GK: variants seen among roughly 807,000 people sequenced by gnomAD.
GK encodes the protein glycerol kinase.
GK carries 9 observed loss-of-function variants against 56.4 expected under a neutral mutation model. The observed-to-expected ratio is 0.16, with a 90% CI of 0.10 to 0.28. The LOEUF is 0.28. Among genes scored for constraint, GK ranks in the 10% least tolerant of loss-of-function variants. The pLI is 1.00. For missense variants in GK, 161 were observed against 431.4 expected, an observed-to-expected ratio of 0.37 and a Z score of 5.55; for synonymous variants, 104 against 144.1, an observed-to-expected ratio of 0.72 and a Z score of 1.99.
intron 5 of GK, among the ~76,000 whole-genome samples, chrX:30,693,011 C>CTTTTTTTTTTTT (rs1184645786): frequency 1.7e-3 from 94 of 56,614 alleles, no homozygotes; most frequent in African/African-American, 2.1e-3. Context: ...TTTTTCTTTT[C>CTTTTTTTTTTTT]TTTTTTTTTT....
rs778768609 is a variant in GK, at chrX:30,731,229, C to G, written c.*2487C>G. 5.3e-5 allele frequency: 6 copies of G among 112,245 alleles called. No homozygotes were observed. Among genetic ancestry groups the G allele is most frequent in the Non-Finnish European group, 1.1e-4 (6 of 53,238 alleles). 9.3% of individuals were successfully genotyped at this position (112,245 alleles called of 1,213,427 possible). On this transcript the variant is annotated 3_prime_UTR_variant, in exon 21 of 21. Coordinates refer to ENST00000427190, the MANE Select transcript of GK (RefSeq NM_001205019.2). ...GAAAGAAAGTTTTTGGAGAAACCAA[C>G]AAATGAAAGCTGTGATAGCACAGAA...
intron 18 of GK, 70 bp from the exon 19 acceptor site, chrX:30,724,031 T>C (rs375671743): frequency 4.1e-5 from 26 of 638,216 alleles, no homozygotes; most frequent in South Asian, 2.1e-4. Flanking sequence ...TGAGTGATCA[T>C]AAGTATGGTA....
intron 1 of GK, among the ~76,000 whole-genome samples, chrX:30,662,175 T>C (rs1446894570): frequency 1.0e-5 from 1 of 99,048 alleles, no homozygotes; most frequent in Admixed American, 1.1e-4. Context: ...AAAGACTTAG[T>C]AAAAACAAAT....
At chrX:30,691,742 T>A (rs2147194844) in intron 5 of GK, among the ~76,000 whole-genome samples, 1 of 110,192 alleles carries the variant, frequency 9.1e-6, no homozygotes, top group East Asian at 2.9e-4. Flanking sequence ...AAAGTGCTGG[T>A]GGGAGGGGTG....
intron 1 of GK, 49 bp downstream of exon 1, chrX:30,653,664 G>A (rs1384806465): frequency 2.0e-6 from 2 of 1,010,478 alleles, no homozygotes; most frequent in Non-Finnish European, 2.8e-6. Flanking sequence ...GGCGGGAGTC[G>A]GGGGACGGAG....
chrX:30,723,700 G>A (rs1298633661), intron 18 of GK: 4 of 208,887 alleles, frequency 1.9e-5, no homozygotes, highest in African/African-American at 1.2e-4. Flanking sequence ...TTGGCTCACT[G>A]CAACCTCCAC....
chrX:30,726,033 C>A (rs187934613), intron 19 of GK, among the ~76,000 whole-genome samples: 1 of 110,701 alleles, frequency 9.0e-6, no homozygotes, highest in African/African-American at 3.3e-5. Flanking sequence ...TCCTCACTAG[C>A]GGTTGAGGAT....
In GK at chrX:30,728,864, C is replaced by T; in HGVS notation, c.*122C>T. ...TTTGATTTTATTTATAAGCCACTTG[C>T]TGCATGACCCTCCAAGTAGACCTGT... On this transcript the variant is annotated 3_prime_UTR_variant, in exon 21 of 21. Transcript: ENST00000427190. 3.6e-6 allele frequency: 2 copies of T among 549,695 alleles called. No homozygotes were observed. The highest frequency in any genetic ancestry group is 6.5e-6 in the Non-Finnish European group (2 of 309,120). The allele number at this position is 549,695 out of a possible 1,213,427, so 45.3% of individuals were successfully genotyped here. A position where few individuals can be genotyped will look rare whatever the true frequency, so the allele number is the denominator to read the frequency against.
At chrX:30,664,106 TAG>T (rs1283103501) in intron 1 of GK, among the ~76,000 whole-genome samples, 6 of 48,197 alleles carry the variant, frequency 1.2e-4, no homozygotes, top group African/African-American at 4.5e-4. Context: ...ATATATTTTA[TAG>T]ATATATATTT....
At chrX:30,718,456 T>C in intron 13 of GK, 82 bp from the exon 14 acceptor site, 2 of 610,791 alleles carry the variant, frequency 3.3e-6, no homozygotes, top group Non-Finnish European at 5.6e-6. Context: ...TCCATCTGAT[T>C]GTGTCATACA....
chrX:30,687,563 C>T (rs1934691402), intron 4 of GK: 1 of 342,269 alleles, frequency 2.9e-6, no homozygotes. Flanking sequence ...CCTTCAGTTC[C>T]AGTTGCCGTT....
intron 5 of GK, 59 bp from the exon 6 acceptor site, chrX:30,694,341 G>A (rs111800222): frequency 7.6e-6 from 8 of 1,048,223 alleles, no homozygotes; most frequent in African/African-American, 3.7e-5. Context: ...TTTGTTTGGT[G>A]GTTTTGTTTT....
chrX:30,679,801 T>G (rs1009050449), intron 4 of GK, among the ~76,000 whole-genome samples: 9 of 111,757 alleles, frequency 8.1e-5, no homozygotes, highest in African/African-American at 2.9e-4. Context: ...GATGTTATCT[T>G]GGGTACTATA....
intron 1 of GK, 46 bp from the exon 2 acceptor site, chrX:30,665,465 G>T: frequency 1.3e-6 from 1 of 764,419 alleles, no homozygotes. Flanking sequence ...AAACATCCTT[G>T]ATATCTGCCT....
intron 1 of GK, among the ~76,000 whole-genome samples, chrX:30,661,092 A>T (rs1478645800): frequency 1.8e-5 from 2 of 111,392 alleles, no homozygotes; most frequent in African/African-American, 6.5e-5. Flanking sequence ...GATTATAGGC[A>T]TGAGCCACAG....
At position 30,700,422 on chromosome X, in the gene GK, G is replaced by A. The variant is rs1228398353; in HGVS notation, c.756G>A (p.Gly252=). Residue 252 remains glycine, a synonymous_variant, in exon 10 of 21, where the codon GGG becomes GGA. Transcript: ENST00000427190. ...LMKISHSVKA[G]ALEGVPISGC... is the part of the protein sequence containing the mutation. ...TTTTTAAATTTTATTAGAAAGCTGG[G>A]GCCTTGGAAGGTGTGCCAATATCTG... 16 of 1,199,534 alleles carry A rather than the reference G, an allele frequency of 1.3e-5. No individual in the cohort carries two copies. The highest frequency in any genetic ancestry group is 1.8e-5 in the African/African-American group (1 of 56,848).
chrX:30,696,554 A>T, intron 7 of GK, 63 bp from the exon 8 acceptor site: 1 of 798,306 alleles, frequency 1.3e-6, no homozygotes. Context: ...ATTTAAATAC[A>T]TATAAATGTT....
intron 9 of GK, among the ~76,000 whole-genome samples, chrX:30,699,761 A>C (rs1365165285): frequency 9.0e-6 from 1 of 111,444 alleles, no homozygotes; most frequent in Admixed American, 9.6e-5. Context: ...TCAAGTCTAC[A>C]ATCAGCCACT....
chrX:30,698,701 C>CAAAA (rs10682299), intron 9 of GK, among the ~76,000 whole-genome samples: 15 of 81,225 alleles, frequency 1.8e-4, no homozygotes, highest in Non-Finnish European at 3.0e-4. Flanking sequence ...GACTCCGTCT[C>CAAAA]AAAAAAAAAA....
Sources: gnomAD v4.1 joint callset for allele counts (sites outside exome capture counted in the v4.1 genomes callset) on GRCh38, gnomAD v4.1.1 for gene constraint, MANE v1.5 for transcripts, NCBI Gene and HGNC (gene_info 2026-07-23, HGNC 2026-07-21) for gene names.